TMEM43: variants seen among roughly 807,000 people sequenced by gnomAD.
TMEM43 encodes the protein transmembrane protein 43.
A neutral mutation model predicts 49.6 loss-of-function variants in TMEM43; 45 were observed. The ratio of observed to expected loss-of-function variants is 0.91; its 90% confidence interval spans 0.71 to 1.16. TMEM43 has a LOEUF of 1.16. Ranked by LOEUF, TMEM43 falls within the 50% of genes most tolerant of loss-of-function variation. The probability of loss-of-function intolerance (pLI) is 0.00; values close to 1 mark genes in which losing one functional copy is unlikely to be tolerated. For synonymous variants in TMEM43, 199 were observed against 207.8 expected (o/e 0.96, Z 0.36); for missense variants, 532 against 516.6 (o/e 1.03, Z -0.29).
rs1403232997 is a variant in TMEM43 at position 14,142,067 on chromosome 3, CCT to C, written c.*277_*278del. ...TGACAGCTTCTCCTGCTGTTTCCTT[CCT>C]CTCTTGGACTGAGTGGGTACGGCCA... On this transcript the variant is annotated 3_prime_UTR_variant, in exon 12 of 12. Transcript: ENST00000306077. The C allele has an allele frequency of 1.9e-6, 1 of 518,392 alleles. No homozygotes were observed. The highest frequency in any genetic ancestry group is 3.5e-6 in the Non-Finnish European group (1 of 285,446). 32.1% of individuals were successfully genotyped at this position (518,392 alleles called of 1,614,324 possible). A position where few individuals can be genotyped will look rare whatever the true frequency, so the allele number is the denominator to read the frequency against.
At chr3:14,129,200 T>C in intron 1 of TMEM43, 1 of 477,152 alleles carries the variant, frequency 2.1e-6, no homozygotes, top group Non-Finnish European at 3.7e-6. Flanking sequence ...GTGATGGAAA[T>C]ATTTTGTACC....
At chr3:14,136,400 A>T in intron 10 of TMEM43, among the ~76,000 whole-genome samples, 1 of 152,228 alleles carries the variant, frequency 6.6e-6, no homozygotes. Context: ...TGTGCCTCAC[A>T]GACTGTCCGG....
intron 4 of TMEM43, among the ~76,000 whole-genome samples, chr3:14,132,049 C>G (rs1210529830): frequency 7.3e-6 from 1 of 137,648 alleles, no homozygotes; most frequent in Non-Finnish European, 1.6e-5. Flanking sequence ...CCCATCTTTG[C>G]TCTACTTACA....
intron 1 of TMEM43, chr3:14,129,105 A>C: frequency 2.5e-6 from 1 of 406,538 alleles, no homozygotes; most frequent in South Asian, 1.9e-5. Flanking sequence ...ATTCAAATTC[A>C]GATTCTCCCC....
chr3:14,130,693 CA>C, intron 2 of TMEM43, 128 bp from the exon 3 acceptor site: 5 of 1,260,946 alleles, frequency 4.0e-6, no homozygotes, highest in Non-Finnish European at 5.4e-6. Flanking sequence ...CTCAGTTTTC[CA>C]ACTGTACGGT....
rs1054032061 is a variant in TMEM43, at chr3:14,129,424, A to G, written c.25A>G (p.Ser9Gly). The G allele has an allele frequency of 8.7e-6, 14 of 1,613,606 alleles. No homozygotes were observed. Among genetic ancestry groups the G allele is most frequent in the Non-Finnish European group, 9.3e-6 (11 of 1,179,812 alleles). Residue 9 changes from serine to glycine, a missense_variant, in exon 2 of 12, where the codon AGT becomes GGT. Coordinates refer to ENST00000306077, the MANE Select transcript of TMEM43 (RefSeq NM_024334.3). The stretch of plus-strand genomic sequence containing the variant: ...TCTTTTTCTTCAGTATTCCAGTACC[A>G]GTACCCGGAGAGAACATGTCAAAGT... MAANYSST[S>G]TRREHVKVKT...
At chr3:14,139,959 C>T (rs963569683) in intron 11 of TMEM43, among the ~76,000 whole-genome samples, 4 of 152,156 alleles carry the variant, frequency 2.6e-5, no homozygotes, top group African/African-American at 9.7e-5. Flanking sequence ...GATGGGGTTC[C>T]TCGGAGGACT....
At chr3:14,130,458 A>G (rs1486677161) in intron 2 of TMEM43, among the ~76,000 whole-genome samples, 1 of 152,192 alleles carries the variant, frequency 6.6e-6, no homozygotes, top group Non-Finnish European at 1.5e-5. Context: ...CAACATAGCA[A>G]GACCCCATTT....
intron 10 of TMEM43, among the ~76,000 whole-genome samples, chr3:14,136,165 A>G (rs986023995): frequency 6.6e-6 from 1 of 152,210 alleles, no homozygotes; most frequent in Non-Finnish European, 1.5e-5. Flanking sequence ...TAAACACAGA[A>G]TCTATTTATG....
At chr3:14,140,461 G>A (rs752351680) in intron 11 of TMEM43, among the ~76,000 whole-genome samples, 3 of 152,102 alleles carry the variant, frequency 2.0e-5, no homozygotes, top group African/African-American at 7.2e-5. Context: ...AGTTGGGAGC[G>A]CAGCAGGGAA....
At position 14,126,299 on chromosome 3, in the gene TMEM43, G is replaced by C. The variant is rs190027296; in HGVS notation, c.12+1094G>C. Among the ~76,000 whole-genome samples, 5 of 152,326 alleles carry C rather than the reference G, an allele frequency of 3.3e-5. No homozygotes were observed. The East Asian group carries it at 9.6e-4, about 29-fold the overall frequency. On this transcript the variant is annotated intron_variant, in intron 1 of 11. Transcript: ENST00000306077. ...TTCGGAGAGACTCAGGCTCGGCCAG[G>C]CGAGAGGGCAGTCAGGAGACCAGCC...
Position 14,135,147 on chromosome 3 carries a change from T to TC in TMEM43, c.706-9dup, listed in dbSNP as rs1309327130. 2 of 1,610,620 alleles carry TC rather than the reference T, an allele frequency of 1.2e-6. No individual in the cohort carries two copies. Among genetic ancestry groups the TC allele is most frequent in the East Asian group, 4.5e-5 (2 of 44,844 alleles). ...CGTTCCTCACTCTCCCTGCTTCTCT[T>TC]CCACCCCCAGGTGGGAGACTTGCGT... On this transcript the variant is annotated splice_polypyrimidine_tract_variant and intron_variant, in intron 8 of 11. Transcript: ENST00000306077.
In TMEM43 at chr3:14,132,919, G is replaced by A. The variant is rs1354385104; in HGVS notation, c.496G>A (p.Gly166Ser). The change falls in exon 6 of 12, where the codon GGC becomes AGC. Residue 166 changes from glycine (G) to serine (S), a missense_variant. Gly to Ser is a moderately conservative substitution (Grantham distance 56). Transcript: ENST00000306077. The stretch of plus-strand genomic sequence containing the variant: ...CAGCAAAAACTTCGACCGAGAGATT[G>A]GCCACAAAAACCCCAGGTGAGAGCC... ...INSKNFDREIGHKNPSAMAVE... is the reference protein window; with the variant it reads ...INSKNFDREISHKNPSAMAVE... 1.2e-6 allele frequency: 2 copies of A among 1,613,838 alleles called. No individual in the cohort carries two copies. Among genetic ancestry groups the A allele is most frequent in the Non-Finnish European group, 1.7e-6 (2 of 1,179,914 alleles).
rs755685574 is a variant in TMEM43, at chr3:14,141,787, T to C, written c.1195T>C (p.Leu399=). 5 of 1,613,376 alleles carry C rather than the reference T, an allele frequency of 3.1e-6. No homozygotes were observed. Among genetic ancestry groups the C allele is most frequent in the East Asian group, 4.5e-5 (2 of 44,876 alleles). ...VARTRVPAKK[L]E is the part of the protein sequence containing the mutation. Reference sequence around the variant, plus strand: ...TCGGACACGGGTGCCAGCCAAAAAGTTGGAGTGAAAAGACCCTGGCACCCG... The same window carrying C: ...TCGGACACGGGTGCCAGCCAAAAAGCTGGAGTGAAAAGACCCTGGCACCCG... Residue 399 remains leucine (L), a synonymous_variant, in exon 12 of 12, where the codon TTG becomes CTG. Transcript: ENST00000306077.
rs17038942 is a variant in TMEM43, at chr3:14,131,327, C to T, written c.298-253C>T. On this transcript the variant is annotated intron_variant, in intron 3 of 11. Coordinates refer to ENST00000306077, the MANE Select transcript of TMEM43 (RefSeq NM_024334.3). ...TTTCCTGTTATTTGAACACCCTGTA[C>T]GCTGTTGGCACCATGCCATTGGGCC... Among the ~76,000 whole-genome samples, 37,728 of 152,216 alleles carry T rather than the reference C, an allele frequency of 0.25. 4,787 individuals carry two copies. Among genetic ancestry groups the T allele is most frequent in the South Asian group, 0.27 (1,315 of 4,828 alleles).
At chr3:14,132,835 G>C in intron 5 of TMEM43, 31 bp from the exon 6 acceptor site, 1 of 1,609,432 alleles carries the variant, frequency 6.2e-7, no homozygotes, top group Non-Finnish European at 8.5e-7. Flanking sequence ...ACTCCTACCC[G>C]GGCTCTGAGT....
chr3:14,135,099 ACCTGGG>A, intron 8 of TMEM43, 53 bp from the exon 9 acceptor site: 1 of 1,547,020 alleles, frequency 6.5e-7, no homozygotes, highest in Non-Finnish European at 8.9e-7. Context: ...GGCATCCTGG[ACCTGGG>A]CCTGGGCCAG....
At position 14,134,942 on chromosome 3, in the gene TMEM43, T is replaced by C. The variant is rs367703596; in HGVS notation, c.705+51T>C. ...AAATAGGAGGGTCAGGGCGCTAGGATCAGGTTCCTGCGCCAGGCAGATTCA... is the reference window on the plus strand; with the variant it reads ...AAATAGGAGGGTCAGGGCGCTAGGACCAGGTTCCTGCGCCAGGCAGATTCA... On this transcript the variant is annotated intron_variant, in intron 8 of 11. Coordinates refer to ENST00000306077, the MANE Select transcript of TMEM43 (RefSeq NM_024334.3). The C allele has an allele frequency of 2.0e-5, 33 of 1,612,474 alleles. No homozygotes were observed. In the African/African-American group the frequency reaches 3.7e-4, roughly 18 times the overall value.
At position 14,141,648 on chromosome 3, in the gene TMEM43, C is replaced by T. The variant is rs772960578; in HGVS notation, c.1056C>T (p.Ala352=). Residue 352 remains alanine (A), a synonymous_variant, in exon 12 of 12, where the codon GCC becomes GCT. Coordinates refer to ENST00000306077, the MANE Select transcript of TMEM43 (RefSeq NM_024334.3). ...TCAACATTGGCCTGAAAGCCTTTGC[C>T]TTCTGTGTGGCCACCTCGCTGACCC... ...DLVNIGLKAF[A]FCVATSLTLL... 2 of 1,614,192 alleles carry T rather than the reference C, an allele frequency of 1.2e-6. No homozygotes were observed.
Sources: gnomAD v4.1 joint callset for allele counts (sites outside exome capture counted in the v4.1 genomes callset) on GRCh38, gnomAD v4.1.1 for gene constraint, MANE v1.5 for transcripts, NCBI Gene and HGNC (gene_info 2026-07-23, HGNC 2026-07-21) for gene names.